The following AMZ2 variants were observed in gnomAD, a reference collection of about 807,000 sequenced individuals.
AMZ2 encodes the protein archaemetzincin-2.
In AMZ2, 26 loss-of-function variants were observed where a neutral mutation model predicts 36.7. The ratio of observed to expected loss-of-function variants is 0.71; its 90% CI spans 0.52 to 0.98. AMZ2 has a LOEUF of 0.98. Ranked by LOEUF, AMZ2 falls within the 50% of genes least tolerant of loss-of-function variation. The pLI, the probability that AMZ2 is intolerant of heterozygous loss-of-function variation, is 0.00. For missense variants in AMZ2, 394 were observed against 430.5 expected (o/e 0.92, Z 0.75); for synonymous variants, 144 against 149.1 (o/e 0.97, Z 0.25).
chr17:68,238,655 C>A (rs1555733394), intron 1 of AMZ2, among the ~76,000 whole-genome samples: 1 of 151,886 alleles, frequency 6.6e-6, no homozygotes, highest in East Asian at 1.9e-4. Flanking sequence ...AAATAAGTTG[C>A]CTGACAAGAC....
At position 68,256,907 on chromosome 17, in the gene AMZ2, G is replaced by T; in HGVS notation, c.1021G>T (p.Val341Leu). 6.2e-7 allele frequency: 1 copy of T among 1,614,158 alleles called. No individual in the cohort carries two copies. Among genetic ancestry groups the T allele is most frequent in the Non-Finnish European group, 8.5e-7 (1 of 1,180,032 alleles). ...GGATAATGGGAATTTACCGAAACCC[G>T]TGGAAGCCTTTAAGGAATGGAAAGA... is the stretch of plus-strand genomic sequence containing the variant. ...HEDNGNLPKP[V>L]EAFKEWKEWI... Residue 341 changes from valine to leucine, a missense_variant, in exon 7 of 7, where the codon GTG (valine) becomes TTG (leucine). Coordinates refer to ENST00000359904, the MANE Select transcript of AMZ2 (RefSeq NM_016627.5).
chr17:68,256,296 G>A (rs2074899731), intron 6 of AMZ2, among the ~76,000 whole-genome samples: 1 of 152,180 alleles, frequency 6.6e-6, no homozygotes, highest in Non-Finnish European at 1.5e-5. Context: ...AAGAAGGAAA[G>A]TACCTAATCT....
chr17:68,219,203 A>G (rs533642916), intron 1 of AMZ2, among the ~76,000 whole-genome samples: 62 of 152,194 alleles, frequency 4.1e-4, no homozygotes, highest in Non-Finnish European at 6.5e-4. Context: ...CTGACCTTGT[A>G]ATCCGCCCGC....
At chr17:68,245,201 A>G (rs1289204024), upstream of AMZ2, among the ~76,000 whole-genome samples, 4 of 63,476 alleles carry the variant, frequency 6.3e-5, no homozygotes, top group Non-Finnish European at 1.2e-4. Context: ...CTTCTAATGT[A>G]AAAAAAAAAA....
intron 1 of AMZ2, among the ~76,000 whole-genome samples, chr17:68,221,408 A>G (rs2073362544): frequency 6.6e-6 from 1 of 152,112 alleles, no homozygotes; most frequent in African/African-American, 2.4e-5. Context: ...GAAAGGGTGC[A>G]TGCCAGATGG....
intron 1 of AMZ2, among the ~76,000 whole-genome samples, chr17:68,213,193 A>G (rs1568341490): frequency 1.3e-5 from 2 of 152,244 alleles, no homozygotes; most frequent in South Asian, 2.1e-4. Context: ...TGCAAGCTGC[A>G]TTTGCCAGAC....
upstream of AMZ2, among the ~76,000 whole-genome samples, chr17:68,243,550 G>A (rs2073946117): frequency 6.6e-6 from 1 of 152,140 alleles, no homozygotes; most frequent in Non-Finnish European, 1.5e-5. Context: ...TACTTTGATT[G>A]TTTCTAATTT....
chr17:68,211,798 G>GTATATA (rs1274662517), intron 1 of AMZ2, among the ~76,000 whole-genome samples: 3,783 of 61,530 alleles, frequency 0.061, 236 homozygotes, highest in African/African-American at 0.28. Flanking sequence ...ATGTATATAT[G>GTATATA]TGTATATGTA....
chr17:68,206,412 A>G (rs6501968), intron 1 of AMZ2: 83,381 of 513,576 alleles, frequency 0.16, 8,402 homozygotes, highest in African/African-American at 0.34. Flanking sequence ...TTACAAGAGG[A>G]AAGAGGCGCA....
At chr17:68,212,626 G>C (rs1274425931) in intron 1 of AMZ2, among the ~76,000 whole-genome samples, 1 of 151,846 alleles carries the variant, frequency 6.6e-6, no homozygotes, top group East Asian at 1.9e-4. Flanking sequence ...GGGTGCAACG[G>C]CTCAATCTCA....
Position 68,212,569 on chromosome 17 carries a change from C to A in AMZ2, c.-67+6331C>A, listed in dbSNP as rs1339106985. On this transcript the variant is annotated intron_variant, in intron 1 of 7. Coordinates refer to the AMZ2 transcript ENST00000674770. ...ATAATTTAATTAAATAATTTTTTTTCTTTTCTTTCTTTTTTCAGGGTCTCT... is the reference window on the plus strand; with the variant it reads ...ATAATTTAATTAAATAATTTTTTTTATTTTCTTTCTTTTTTCAGGGTCTCT... Among the ~76,000 whole-genome samples, 3 of 151,758 alleles carry A rather than the reference C, an allele frequency of 2.0e-5. No individual in the cohort carries two copies. In the East Asian group the frequency reaches 5.8e-4, roughly 29 times the overall value.
At chr17:68,209,632 A>ATATATGTATATATATTTTTTTTTTTTTT in intron 1 of AMZ2, among the ~76,000 whole-genome samples, 1 of 90,700 alleles carries the variant, frequency 1.1e-5, no homozygotes, top group African/African-American at 5.0e-5. Context: ...ATATATATAT[A>ATATATGTATATATATTTTTTTTTTTTTT]TTTTTTTTTT....
At position 68,257,016 on chromosome 17, in the gene AMZ2, A is replaced by T. The variant is rs782617510; in HGVS notation, c.*47A>T. 8 of 1,585,010 alleles carry T rather than the reference A, an allele frequency of 5.0e-6. No individual in the cohort carries two copies. The African/African-American group carries it at 1.1e-4, about 21-fold the overall frequency. On this transcript the variant is annotated 3_prime_UTR_variant, in exon 7 of 7. Coordinates refer to ENST00000359904, the MANE Select transcript of AMZ2 (RefSeq NM_016627.5). ...TGAAATAAATAACTACTTGCATGTT[A>T]TGCTTTCATTTGGGTGGAATACTTC...
chr17:68,248,020 C>A, upstream of AMZ2: 1 of 986,540 alleles, frequency 1.0e-6, no homozygotes, highest in Non-Finnish European at 1.2e-6. Flanking sequence ...AGGGGCGTGG[C>A]GCCAGTGGGC....
chr17:68,219,021 C>T (rs1396233617), intron 1 of AMZ2, among the ~76,000 whole-genome samples: 2 of 152,154 alleles, frequency 1.3e-5, no homozygotes, highest in Non-Finnish European at 2.9e-5. Flanking sequence ...GATGGAGTCT[C>T]ACCCAGGCTG....
intron 1 of AMZ2, among the ~76,000 whole-genome samples, chr17:68,208,622 C>T (rs1377416803): frequency 1.3e-5 from 2 of 152,166 alleles, no homozygotes; most frequent in South Asian, 2.1e-4. Context: ...CCATTCAGGT[C>T]CCATTCCACA....
chr17:68,217,970 G>A (rs1320949360), intron 1 of AMZ2, among the ~76,000 whole-genome samples: 3 of 152,006 alleles, frequency 2.0e-5, no homozygotes, highest in Admixed American at 6.6e-5. Context: ...CCGCCATCAC[G>A]CCCACCTAAT....
chr17:68,247,816 G>T, upstream of AMZ2: 1 of 985,584 alleles, frequency 1.0e-6, no homozygotes, highest in South Asian at 4.7e-5. Flanking sequence ...AGGAATCGGC[G>T]ACTGCGGGGG....
rs1568371239 is a variant in AMZ2 at position 68,248,118 on chromosome 17, C to A, written c.-588C>A. On this transcript the variant is annotated 5_prime_UTR_variant, in exon 1 of 7. Coordinates refer to ENST00000359904, the MANE Select transcript of AMZ2 (RefSeq NM_016627.5). ...GGTATCGAGGCCTGTCGGGTCAGGG[C>A]GGTTCGCGGGTGCTGTCAGAGCTGG... 1.0e-6 allele frequency: 1 copy of A among 986,416 alleles called. No homozygotes were observed. Among genetic ancestry groups the A allele is most frequent in the East Asian group, 1.1e-4 (1 of 8,818 alleles). 61.1% of individuals were successfully genotyped at this position (986,416 alleles called of 1,614,324 possible). A position where few individuals can be genotyped will look rare whatever the true frequency, so the allele number is the denominator to read the frequency against.
Sources: gnomAD v4.1 joint callset for allele counts (sites outside exome capture counted in the v4.1 genomes callset) on GRCh38, gnomAD v4.1.1 for gene constraint, MANE v1.5 for transcripts, NCBI Gene and HGNC (gene_info 2026-07-23, HGNC 2026-07-21) for gene names.